IGFL4: variants seen among roughly 807,000 people sequenced by gnomAD.
The protein encoded by IGFL4 is IGF like family member 4.
In IGFL4, 12 loss-of-function variants were observed where a neutral mutation model predicts 15.4. That is an observed-to-expected ratio of 0.78 (90% CI 0.50 to 1.26). The LOEUF is 1.26. Ranked by LOEUF, IGFL4 falls within the 50% of genes most tolerant of loss-of-function variation. The pLI is 0.00. For missense variants in IGFL4, 126 were observed against 147.8 expected, an observed-to-expected ratio of 0.85 and a Z score of 0.76; for synonymous variants, 54 against 55.9, an observed-to-expected ratio of 0.97 and a Z score of 0.16.
At chr19:46,045,368 G>A (rs145344933), upstream of IGFL4, among the ~76,000 whole-genome samples, 5 of 151,750 alleles carry the variant, frequency 3.3e-5, no homozygotes, top group Admixed American at 1.3e-4. Context: ...GCTTGAACCC[G>A]GGAGGCAGAG....
At position 46,040,368 on chromosome 19, in the gene IGFL4, G is replaced by A. The variant is rs772659936; in HGVS notation, c.119C>T (p.Thr40Ile). ...CQPAPRCGEW[T>I]YNPLEQCCDD... ...ACAGCACTGCTCCAAGGGGTTGTAGGTCCACTCCCCGCACCTGGGCGCTGG... is the reference window on the plus strand; with the variant it reads ...ACAGCACTGCTCCAAGGGGTTGTAGATCCACTCCCCGCACCTGGGCGCTGG... Residue 40 changes from threonine (T) to isoleucine (I), a missense_variant, in exon 3 of 4, where the codon ACC becomes ATC. Coordinates refer to ENST00000377697, the MANE Select transcript of IGFL4 (RefSeq NM_001002923.3). The surrounding 1 kb of genome is among the most constrained non-coding windows in gnomAD (Gnocchi z 4.1). 3 of 1,614,192 alleles carry A rather than the reference G, an allele frequency of 1.9e-6. No homozygotes were observed. The East Asian group carries it at 6.7e-5, about 36-fold the overall frequency.
chr19:46,049,423 G>A (rs563453490), intron 2 of IGFL4, among the ~76,000 whole-genome samples: 9 of 152,298 alleles, frequency 5.9e-5, no homozygotes, highest in Admixed American at 4.6e-4. Context: ...GTGCTGTTAG[G>A]GGGGCATAGT....
At chr19:46,055,595 GAAA>G (rs954012214) in intron 2 of IGFL4, among the ~76,000 whole-genome samples, 1 of 151,602 alleles carries the variant, frequency 6.6e-6, no homozygotes, top group African/African-American at 2.4e-5. Context: ...TACCTATATT[GAAA>G]AAAAACTACA....
At chr19:46,045,348 C>T (rs988997210), upstream of IGFL4, among the ~76,000 whole-genome samples, 1 of 150,706 alleles carries the variant, frequency 6.6e-6, no homozygotes, top group Non-Finnish European at 1.5e-5. Context: ...GAGGCTGAGG[C>T]AGGAGAATCG....
intron 1 of IGFL4, chr19:46,062,890 T>C (rs976626365): frequency 6.6e-6 from 1 of 152,300 alleles, no homozygotes; most frequent in African/African-American, 2.4e-5. Context: ...TGTCCCATGA[T>C]CCTGTACATG....
In IGFL4 at chr19:46,060,637, C is replaced by G. The variant is rs185751253; in HGVS notation, c.-431-344G>C. Among the ~76,000 whole-genome samples the G allele has an allele frequency of 1.3e-4, 20 of 152,246 alleles. No individual in the cohort carries two copies. The East Asian group carries it at 3.7e-3, about 28-fold the overall frequency. On this transcript the variant is annotated intron_variant, in intron 1 of 5. Transcript: ENST00000601672. ...ACGATTGACAAAGATATTTGGTTAC[C>G]TTGTGGCACACAATAATTTAACATA... is the stretch of plus-strand genomic sequence containing the variant.
Position 46,040,286 on chromosome 19 carries a change from G to C in IGFL4, c.201C>G (p.Thr67=), listed in dbSNP as rs932433563. ...NQTRLCGSSC[T]FWPCFQHCCL... ...AGCAGTGCTGGAAGCAGGGCCAGAA[G>C]GTGCAGCTGGAGCCGCAGAGCCGGG... The change falls in exon 3 of 4, where the codon ACC becomes ACG. Residue 67 remains threonine, a synonymous_variant. Coordinates refer to ENST00000377697, the MANE Select transcript of IGFL4 (RefSeq NM_001002923.3). The surrounding 1 kb of genome is among the most constrained non-coding windows in gnomAD (Gnocchi z 4.1). 3.1e-6 allele frequency: 5 copies of C among 1,614,096 alleles called. No homozygotes were observed. Among genetic ancestry groups the C allele is most frequent in the South Asian group, 2.2e-5 (2 of 91,090 alleles).
chr19:46,042,622 T>C (rs1969257399), upstream of IGFL4, among the ~76,000 whole-genome samples: 6 of 152,214 alleles, frequency 3.9e-5, no homozygotes, highest in Admixed American at 3.9e-4. Context: ...CAAGCTCTTT[T>C]TAGATTCAGA....
At position 46,063,335 on chromosome 19, in the gene IGFL4, GCACACACA is replaced by G. The variant is rs5828265; in HGVS notation, c.-431-3050_-431-3043del. Among the ~76,000 whole-genome samples, 661 of 147,114 alleles carry G rather than the reference GCACACACA, an allele frequency of 4.5e-3. 1 individual carries two copies. Among genetic ancestry groups the G allele is most frequent in the South Asian group, 0.03 (137 of 4,538 alleles). ...AAGAACATTTAGAACACACACGCAT[GCACACACA>G]CACACACACACACACACACACACAT... On this transcript the variant is annotated intron_variant, in intron 1 of 5. Coordinates refer to the IGFL4 transcript ENST00000601672.
Position 46,040,751 on chromosome 19 carries a change from G to T in IGFL4, c.20-183C>A. 1.1e-6 allele frequency: 1 copy of T among 942,874 alleles called. No individual in the cohort carries two copies. Among genetic ancestry groups the T allele is most frequent in the South Asian group, 1.5e-5 (1 of 68,276 alleles). 58.4% of individuals were successfully genotyped at this position (942,874 alleles called of 1,614,324 possible). A position where few individuals can be genotyped will look rare whatever the true frequency, so the allele number is the denominator to read the frequency against. ...GGTGAGGAAAGGCAGGGAGGGCTCTGGGAAAAGTTAAGCTTCTGGAATTTG... is the reference window on the plus strand; with the variant it reads ...GGTGAGGAAAGGCAGGGAGGGCTCTTGGAAAAGTTAAGCTTCTGGAATTTG... On this transcript the variant is annotated intron_variant, in intron 1 of 3. Transcript: ENST00000377697. The surrounding 1 kb of genome is among the most constrained non-coding windows in gnomAD (Gnocchi z 4.1).
chr19:46,045,649 G>A, upstream of IGFL4, among the ~76,000 whole-genome samples: 1 of 151,900 alleles, frequency 6.6e-6, no homozygotes, highest in Non-Finnish European at 1.5e-5. Context: ...TTACAGAATA[G>A]TTCAAGCAGA....
At position 46,053,646 on chromosome 19, in the gene IGFL4, A is replaced by G. The variant is rs528871454; in HGVS notation, c.-323+6539T>C. On this transcript the variant is annotated intron_variant, in intron 2 of 5. Coordinates refer to the IGFL4 transcript ENST00000601672. ...TTGTGTGTGATAAATGCCCAGTAGTAGGATTGCTGGATGATATAGTGGTTG... is the reference window on the plus strand; with the variant it reads ...TTGTGTGTGATAAATGCCCAGTAGTGGGATTGCTGGATGATATAGTGGTTG... Among the ~76,000 whole-genome samples the G allele has an allele frequency of 2.0e-5, 3 of 152,342 alleles. No homozygotes were observed. The East Asian group carries it at 5.8e-4, about 29-fold the overall frequency.
intron 2 of IGFL4, among the ~76,000 whole-genome samples, chr19:46,049,598 C>T (rs547739040): frequency 6.6e-6 from 1 of 152,254 alleles, no homozygotes; most frequent in African/African-American, 2.4e-5. Flanking sequence ...ACCCCCATCC[C>T]CTATAGCAGC....
At chr19:46,063,350 C>T (rs904175733) in intron 1 of IGFL4, among the ~76,000 whole-genome samples, 1 of 150,274 alleles carries the variant, frequency 6.7e-6, no homozygotes, top group African/African-American at 2.5e-5. Flanking sequence ...CACACACACA[C>T]ACACACACAC....
chr19:46,059,371 G>A (rs568198920), intron 2 of IGFL4: 1 of 152,268 alleles, frequency 6.6e-6, no homozygotes, highest in South Asian at 2.1e-4. Flanking sequence ...TCTTCAGGCT[G>A]AATAGGGGCA....
At chr19:46,055,290 C>T (rs191509334) in intron 2 of IGFL4, among the ~76,000 whole-genome samples, 23 of 152,300 alleles carry the variant, frequency 1.5e-4, no homozygotes, top group Middle Eastern at 6.8e-3. Flanking sequence ...TAGGGTCTCA[C>T]TGTGTTGCCC....
At chr19:46,052,309 T>G (rs1053825959) in intron 2 of IGFL4, among the ~76,000 whole-genome samples, 1 of 152,058 alleles carries the variant, frequency 6.6e-6, no homozygotes, top group Non-Finnish European at 1.5e-5. Context: ...CAGACCACAG[T>G]GGAATAAAAT....
At chr19:46,073,858 A>AT (rs1258210389) in intron 1 of IGFL4, among the ~76,000 whole-genome samples, 2 of 152,304 alleles carry the variant, frequency 1.3e-5, no homozygotes, top group South Asian at 4.1e-4. Flanking sequence ...GACTGAAAGT[A>AT]TTTTTTTGTA....
upstream of IGFL4, among the ~76,000 whole-genome samples, chr19:46,042,734 CAAG>C (rs1187732784): frequency 3.9e-5 from 6 of 152,162 alleles, no homozygotes; most frequent in Non-Finnish European, 8.8e-5. Context: ...GATGACTGAA[CAAG>C]AATAATAGGA....
Sources: allele counts gnomAD v4.1 joint callset (sites outside exome capture counted in the v4.1 genomes callset), GRCh38; gene constraint gnomAD v4.1.1; non-coding constraint Gnocchi (gnomAD v3.1); transcripts MANE v1.5; gene names NCBI Gene and HGNC (gene_info 2026-07-23, HGNC 2026-07-21).